Variants in GCA observed in about 807,000 individuals in gnomAD.
GCA encodes grancalcin, also known as grancalcin, EF-hand calcium-binding protein.
In GCA, 30 loss-of-function variants were observed where a neutral mutation model predicts 32.6. The ratio of observed to expected loss-of-function variants is 0.92; its 90% CI spans 0.69 to 1.25. The LOEUF (loss-of-function observed/expected upper bound fraction) is 1.25, where lower values mean the gene tolerates loss of function less well. GCA is among the 50% of genes most tolerant of loss of function. GCA has a pLI of 0.00. For synonymous variants in GCA, 102 were observed against 84.6 expected (o/e 1.21, Z -1.13); for missense variants, 291 against 266.8 (o/e 1.09, Z -0.63).
downstream of GCA, among the ~76,000 whole-genome samples, chr2:162,366,001 A>G (rs1685738587): frequency 6.6e-6 from 1 of 151,746 alleles, no homozygotes; most frequent in African/African-American, 2.4e-5. Context: ...TACAGTTTAA[A>G]TGCTAACAGT....
At chr2:162,325,734 G>T (rs550520986) in intron 1 of GCA, among the ~76,000 whole-genome samples, 1 of 152,100 alleles carries the variant, frequency 6.6e-6, no homozygotes, top group African/African-American at 2.4e-5. Flanking sequence ...CTTGCTGAAC[G>T]GCGTGTTTCT....
At chr2:162,371,642 T>C (rs771839703), downstream of GCA, 1 of 765,850 alleles carries the variant, frequency 1.3e-6, no homozygotes, top group Non-Finnish European at 2.0e-6. Flanking sequence ...CCAAAAGTTC[T>C]TATGTATATT....
At chr2:162,372,748 T>C (rs1313210215), downstream of GCA, among the ~76,000 whole-genome samples, 1 of 152,158 alleles carries the variant, frequency 6.6e-6, no homozygotes, top group Non-Finnish European at 1.5e-5. Flanking sequence ...TAAATCATTG[T>C]TCTTAGGTCC....
chr2:162,367,629 A>C (rs1387782967), downstream of GCA, among the ~76,000 whole-genome samples: 1 of 152,070 alleles, frequency 6.6e-6, no homozygotes, highest in Admixed American at 6.6e-5. Flanking sequence ...ATTAAGAGAG[A>C]TAAAACAATA....
At chr2:162,347,545 T>C in intron 1 of GCA, 33 bp from the exon 2 acceptor site, 1 of 1,420,558 alleles carries the variant, frequency 7.0e-7, no homozygotes, top group Non-Finnish European at 9.6e-7. Context: ...GTAGTATTTA[T>C]ATTACTAACC....
chr2:162,369,554 A>C (rs1576310225), intron 4 of GCA, among the ~76,000 whole-genome samples: 1 of 152,072 alleles, frequency 6.6e-6, no homozygotes, highest in East Asian at 1.9e-4. Flanking sequence ...AATATAAACA[A>C]GTTTTATGTG....
rs1685551614 is a variant in GCA at position 162,361,092 on chromosome 2, TTAAAAA to T, written c.*854_*859del. ...AATGTAATGTCAACTCTTTATAAAC[TTAAAAA>T]TAAACAAGTAATTAACCACTCTAAT... On this transcript the variant is annotated 3_prime_UTR_variant, in exon 8 of 8. Transcript: ENST00000437150. The T allele has an allele frequency of 2.1e-6, 2 of 952,194 alleles. No homozygotes were observed. Among genetic ancestry groups the T allele is most frequent in the Non-Finnish European group, 2.5e-6 (2 of 795,498 alleles). The allele number at this position is 952,194 out of a possible 1,614,324, so 59.0% of individuals were successfully genotyped here.
chr2:162,329,030 G>A (rs6737414), intron 1 of GCA, among the ~76,000 whole-genome samples: 3,498 of 152,130 alleles, frequency 0.023, 137 homozygotes, highest in African/African-American at 0.075. Flanking sequence ...ACATCCAGCC[G>A]CCTGTGTATT....
chr2:162,362,163 G>T lies in GCA; in HGVS notation c.*1920G>T. 1.0e-6 allele frequency: 1 copy of T among 984,482 alleles called. No individual in the cohort carries two copies. Among genetic ancestry groups the T allele is most frequent in the African/African-American group, 1.7e-5 (1 of 57,212 alleles). 61.0% of individuals were successfully genotyped at this position (984,482 alleles called of 1,614,324 possible). A position where few individuals can be genotyped will look rare whatever the true frequency, so the allele number is the denominator to read the frequency against. On this transcript the variant is annotated 3_prime_UTR_variant, in exon 8 of 8. Coordinates refer to ENST00000437150, the MANE Select transcript of GCA (RefSeq NM_012198.5). ...ACTCTCACTTTCTAAAGCTTGACAA[G>T]GTATATTAGCATCTGAAACCCCAAG... is the stretch of plus-strand genomic sequence containing the variant.
chr2:162,346,321 C>G (rs1171503090), intron 1 of GCA, among the ~76,000 whole-genome samples: 2 of 152,182 alleles, frequency 1.3e-5, no homozygotes, highest in East Asian at 1.9e-4. Flanking sequence ...TTAGGAATAA[C>G]TTTTAATCTG....
intron 6 of GCA, 96 bp from the exon 7 acceptor site, chr2:162,359,398 G>T (rs1685456745): frequency 1.6e-6 from 1 of 613,340 alleles, no homozygotes; most frequent in Non-Finnish European, 2.9e-6. Context: ...ATATTTAATT[G>T]AATATGAAAT....
intron 3 of GCA, 148 bp from the exon 4 acceptor site, chr2:162,356,290 C>T: frequency 3.3e-6 from 2 of 609,956 alleles, no homozygotes; most frequent in Non-Finnish European, 6.0e-6. Flanking sequence ...ACAATGGGTG[C>T]TTAACATTCA....
At position 162,321,931 on chromosome 2, in the gene GCA, T is replaced by C. The variant is rs1420612482; in HGVS notation, c.-31+2706T>C. ...ATATATATATATATATATATATATA[T>C]ATACACACATACATATAAACACTAT... On this transcript the variant is annotated intron_variant, in intron 1 of 4. Transcript: ENST00000429691. 9.2e-5 allele frequency among the ~76,000 whole-genome samples: 7 copies of C among 75,834 alleles called. No homozygotes were observed. The East Asian group carries it at 1.1e-3, about 12-fold the overall frequency. The allele number at this position is 75,834 out of a possible 152,430, so 49.8% of individuals were successfully genotyped here.
chr2:162,319,072 C>A (rs1190330174), exon 1 of GCA: 2 of 444,272 alleles, frequency 4.5e-6, no homozygotes, highest in Non-Finnish European at 9.2e-6. Flanking sequence ...GCAGGCCTGG[C>A]TGAGGGTGGT....
At chr2:162,332,178 G>A (rs904709399) in intron 1 of GCA, among the ~76,000 whole-genome samples, 11 of 151,202 alleles carry the variant, frequency 7.3e-5, no homozygotes, top group East Asian at 1.9e-4. Flanking sequence ...GCATGGTGGC[G>A]GGCACCTGTA....
Position 162,360,279 on chromosome 2 carries a change from A to G in GCA, c.*36A>G, listed in dbSNP as rs201065516. 6.6e-5 allele frequency: 105 copies of G among 1,579,476 alleles called. No individual in the cohort carries two copies. The highest frequency in any genetic ancestry group is 1.6e-4 in the Admixed American group (9 of 55,942). The stretch of plus-strand genomic sequence containing the variant: ...TTTTAAACCTGAAGAGACACTGTGA[A>G]TTCTTTTGTTTGGAAGAAGTGAACT... On this transcript the variant is annotated 3_prime_UTR_variant, in exon 8 of 8. Transcript: ENST00000437150.
In GCA at chr2:162,355,302, A is replaced by G. The variant is rs116141075; in HGVS notation, c.263-1136A>G. 4.9e-3 allele frequency among the ~76,000 whole-genome samples: 751 copies of G among 152,276 alleles called. 10 individuals carry two copies. Among genetic ancestry groups the G allele is most frequent in the African/African-American group, 0.017 (711 of 41,576 alleles). On this transcript the variant is annotated intron_variant, in intron 3 of 7. Transcript: ENST00000437150. Reference sequence around the variant, plus strand: ...ATTGAGTTGTCAATTTGAAAATACTACAACCAACAATTCTAACATTGATAC... The same window carrying G: ...ATTGAGTTGTCAATTTGAAAATACTGCAACCAACAATTCTAACATTGATAC...
intron 1 of GCA, among the ~76,000 whole-genome samples, chr2:162,320,399 G>A (rs912848993): frequency 2.6e-5 from 4 of 152,180 alleles, no homozygotes; most frequent in African/African-American, 9.7e-5. Flanking sequence ...TCCCCCAGCT[G>A]CCAGTGGGTT....
chr2:162,362,476 T>C lies in GCA; in HGVS notation c.*2233T>C, dbSNP rs1685616196. ...ACATGACTGTAATATGAATATAGTATAGTAGTTTGCACTGGTTAACTTACA... is the reference window on the plus strand; with the variant it reads ...ACATGACTGTAATATGAATATAGTACAGTAGTTTGCACTGGTTAACTTACA... On this transcript the variant is annotated 3_prime_UTR_variant, in exon 8 of 8. Coordinates refer to ENST00000437150, the MANE Select transcript of GCA (RefSeq NM_012198.5). The C allele has an allele frequency of 1.0e-6, 1 of 964,028 alleles. No homozygotes were observed. Among genetic ancestry groups the C allele is most frequent in the African/African-American group, 1.8e-5 (1 of 56,786 alleles). 59.7% of individuals were successfully genotyped at this position (964,028 alleles called of 1,614,324 possible). A position where few individuals can be genotyped will look rare whatever the true frequency, so the allele number is the denominator to read the frequency against.
Sources: gnomAD v4.1 joint callset for allele counts (sites outside exome capture counted in the v4.1 genomes callset) on GRCh38, gnomAD v4.1.1 for gene constraint, MANE v1.5 for transcripts, NCBI Gene and HGNC (gene_info 2026-07-23, HGNC 2026-07-21) for gene names.